Variants in TMPRSS11E observed in about 807,000 individuals in gnomAD.
TMPRSS11E encodes transmembrane protease serine 11E.
In TMPRSS11E, 38 loss-of-function variants were observed where a neutral mutation model predicts 48.1. That is an observed-to-expected ratio of 0.79 (90% confidence interval 0.61 to 1.04). TMPRSS11E has a LOEUF of 1.04. TMPRSS11E is among the 50% of genes least tolerant of loss of function. TMPRSS11E has a pLI of 0.00. For missense variants in TMPRSS11E, 530 were observed against 510.8 expected (o/e 1.04, Z -0.36); for synonymous variants, 158 against 171.9 (o/e 0.92, Z 0.63).
intron 9 of TMPRSS11E, among the ~76,000 whole-genome samples, chr4:68,480,329 G>A (rs2109704243): frequency 6.6e-6 from 1 of 151,904 alleles, no homozygotes; most frequent in Admixed American, 6.5e-5. Context: ...TTGCACTCTA[G>A]TTTCTCTCTG....
At position 68,463,981 on chromosome 4, in the gene TMPRSS11E, A is replaced by G. The variant is rs144908746; in HGVS notation, c.136+2036A>G. Among the ~76,000 whole-genome samples, 700 of 152,320 alleles carry G rather than the reference A, an allele frequency of 4.6e-3. 2 individuals are homozygous for G. The highest frequency in any genetic ancestry group is 8.5e-3 in the Non-Finnish European group (579 of 68,024). On this transcript the variant is annotated intron_variant, in intron 2 of 9. Transcript: ENST00000305363. ...AAGCCAAGTTTTATAAGATTCATAA[A>G]TCTTACTCATATGTATACAGTGAAA...
At chr4:68,448,656 T>A (rs1289570157) in intron 1 of TMPRSS11E, among the ~76,000 whole-genome samples, 2 of 151,856 alleles carry the variant, frequency 1.3e-5, no homozygotes, top group Admixed American at 6.6e-5. Context: ...TGGAGTGAAT[T>A]TTTCTGAGTG....
chr4:68,477,456 C>T lies in TMPRSS11E; in HGVS notation c.795C>T (p.Val265=). The T allele has an allele frequency of 6.2e-7, 1 of 1,613,992 alleles. No homozygotes were observed. Among genetic ancestry groups the T allele is most frequent in the Non-Finnish European group, 8.5e-7 (1 of 1,179,968 alleles). ...KMKRGLRRII[V]HEKYKHPSHD... ...AACGGGGTCTCCGGAGAATAATTGTCCATGAAAAATACAAACACCCATCAC... is the reference window on the plus strand; with the variant it reads ...AACGGGGTCTCCGGAGAATAATTGTTCATGAAAAATACAAACACCCATCAC... Residue 265 remains valine, a synonymous_variant, in exon 8 of 10, where the codon GTC becomes GTT. Coordinates refer to ENST00000305363, the MANE Select transcript of TMPRSS11E (RefSeq NM_014058.4).
intron 1 of TMPRSS11E, among the ~76,000 whole-genome samples, chr4:68,459,697 C>G (rs34168560): frequency 0.25 from 37,473 of 152,084 alleles, 5,454 homozygotes; most frequent in Admixed American, 0.32. Flanking sequence ...TAGAACGTGT[C>G]TAATATTTCA....
At chr4:68,452,338 A>G (rs1386469495) in intron 1 of TMPRSS11E, among the ~76,000 whole-genome samples, 1 of 151,976 alleles carries the variant, frequency 6.6e-6, no homozygotes, top group African/African-American at 2.4e-5. Flanking sequence ...AAATTTTGTC[A>G]GGTCACAGTT....
chr4:68,483,703 T>C (rs1729474111), intron 9 of TMPRSS11E, among the ~76,000 whole-genome samples: 1 of 152,244 alleles, frequency 6.6e-6, no homozygotes, highest in South Asian at 2.1e-4. Context: ...ATAAAAGCTT[T>C]GCTAAGGCTG....
rs1038094797 is a variant in TMPRSS11E at position 68,495,381 on chromosome 4, T to G, written c.1111-1262T>G. Among the ~76,000 whole-genome samples the G allele has an allele frequency of 2.0e-5, 3 of 152,238 alleles. No individual in the cohort carries two copies. The East Asian group carries it at 5.8e-4, about 29-fold the overall frequency. Reference sequence around the variant, plus strand: ...TTCTCTTGTATCTTCTATTTCTCTATCCTGATTTTCTCTGCCTGCATATAG... The same window carrying G: ...TTCTCTTGTATCTTCTATTTCTCTAGCCTGATTTTCTCTGCCTGCATATAG... On this transcript the variant is annotated intron_variant, in intron 9 of 9. Coordinates refer to ENST00000305363, the MANE Select transcript of TMPRSS11E (RefSeq NM_014058.4).
In TMPRSS11E at chr4:68,477,584, G is replaced by A; in HGVS notation, c.923G>A (p.Gly308Asp). 2 of 1,614,012 alleles carry A rather than the reference G, an allele frequency of 1.2e-6. No individual in the cohort carries two copies. The highest frequency in any genetic ancestry group is 1.1e-5 in the South Asian group (1 of 91,046). The change falls in exon 8 of 10, where the codon GGT becomes GAT. Residue 308 changes from glycine (G) to aspartate (D), a missense_variant. Coordinates refer to ENST00000305363, the MANE Select transcript of TMPRSS11E (RefSeq NM_014058.4). Reference sequence around the variant, plus strand: ...GATGCATCCTATGAGTTTCAACCAGGTGATGTGATGTTTGTGACAGGATTT... The same window carrying A: ...GATGCATCCTATGAGTTTCAACCAGATGATGTGATGTTTGTGACAGGATTT... Reference protein sequence around the residue: ...LPDASYEFQPGDVMFVTGFGA... With the variant: ...LPDASYEFQPDDVMFVTGFGA...
intron 5 of TMPRSS11E, among the ~76,000 whole-genome samples, chr4:68,473,570 T>C (rs570853525): frequency 6.6e-6 from 1 of 152,242 alleles, no homozygotes; most frequent in Non-Finnish European, 1.5e-5. Flanking sequence ...TATAATCCAT[T>C]ATCCTATTGA....
At chr4:68,481,619 G>A (rs1341193648) in intron 9 of TMPRSS11E, among the ~76,000 whole-genome samples, 1 of 152,062 alleles carries the variant, frequency 6.6e-6, no homozygotes, top group Non-Finnish European at 1.5e-5. Flanking sequence ...AGAAGTGTCT[G>A]TTCCTGTCTG....
At chr4:68,452,051 G>A (rs1728512792) in intron 1 of TMPRSS11E, among the ~76,000 whole-genome samples, 1 of 151,902 alleles carries the variant, frequency 6.6e-6, no homozygotes, top group Non-Finnish European at 1.5e-5. Flanking sequence ...CAGTGGATAG[G>A]AAGCATTGCT....
At chr4:68,483,245 G>A (rs1729458569) in intron 9 of TMPRSS11E, among the ~76,000 whole-genome samples, 2 of 83,672 alleles carry the variant, frequency 2.4e-5, no homozygotes, top group South Asian at 1.1e-3. Flanking sequence ...GTGAAAGCAG[G>A]AGCGAGAGAG....
intron 4 of TMPRSS11E, 40 bp from the exon 5 acceptor site, chr4:68,471,420 T>C: frequency 8.4e-7 from 1 of 1,189,660 alleles, no homozygotes; most frequent in Non-Finnish European, 1.1e-6. Flanking sequence ...CTTTCTTCTT[T>C]TCTTTTCTTT....
At chr4:68,488,357 G>A (rs1729620427) in intron 9 of TMPRSS11E, among the ~76,000 whole-genome samples, 1 of 152,066 alleles carries the variant, frequency 6.6e-6, no homozygotes, top group Non-Finnish European at 1.5e-5. Context: ...GTTCATTAAA[G>A]AATATCTTTT....
rs370088837 is a variant in TMPRSS11E at position 68,480,037 on chromosome 4, G to T, written c.1110+1046G>T. 2.2e-4 allele frequency among the ~76,000 whole-genome samples: 33 copies of T among 152,180 alleles called. No homozygotes were observed. In the South Asian group the frequency reaches 2.9e-3, roughly 13 times the overall value. On this transcript the variant is annotated intron_variant, in intron 9 of 9. Transcript: ENST00000305363. The stretch of plus-strand genomic sequence containing the variant: ...GAATTATTTTTTTCCAATAGATGAG[G>T]TGTCATTTCTTGCTGTGTTCAAGAG...
At chr4:68,491,885 TTCATTTGCTCCACC>T (rs1729735437) in intron 9 of TMPRSS11E, among the ~76,000 whole-genome samples, 1 of 152,212 alleles carries the variant, frequency 6.6e-6, no homozygotes, top group African/African-American at 2.4e-5. Context: ...CTGTATTGCC[TTCATTTGCTCCACC>T]TCATTTAATT....
At chr4:68,483,111 A>G (rs1729454436) in intron 9 of TMPRSS11E, among the ~76,000 whole-genome samples, 1 of 152,206 alleles carries the variant, frequency 6.6e-6, no homozygotes, top group Non-Finnish European at 1.5e-5. Flanking sequence ...AAAGATGTTT[A>G]ATTGGCTCAT....
chr4:68,451,885 A>G (rs1728508574), intron 1 of TMPRSS11E, among the ~76,000 whole-genome samples: 1 of 151,934 alleles, frequency 6.6e-6, no homozygotes, highest in Admixed American at 6.6e-5. Context: ...CTATGCTCTT[A>G]ATCACAGTGC....
chr4:68,479,814 T>A (rs1729354434), intron 9 of TMPRSS11E, among the ~76,000 whole-genome samples: 1 of 152,002 alleles, frequency 6.6e-6, no homozygotes, highest in Non-Finnish European at 1.5e-5. Context: ...TTAAAAACAG[T>A]CATTTCTGTT....
Sources: gnomAD v4.1 joint callset for allele counts (sites outside exome capture counted in the v4.1 genomes callset) on GRCh38, gnomAD v4.1.1 for gene constraint, MANE v1.5 for transcripts, NCBI Gene and HGNC (gene_info 2026-07-23, HGNC 2026-07-21) for gene names.